MAGI1: variants seen among roughly 807,000 people sequenced by gnomAD.
The protein encoded by MAGI1 is membrane-associated guanylate kinase, WW and PDZ domain-containing protein 1.
In MAGI1, 58 loss-of-function variants were observed where a neutral mutation model predicts 139.9. The ratio of observed to expected loss-of-function variants is 0.41; its 90% CI spans 0.34 to 0.52. The LOEUF (loss-of-function observed/expected upper bound fraction) is 0.52, where lower values mean the gene tolerates loss of function less well. MAGI1 is among the 20% of genes least tolerant of loss of function. MAGI1 has a pLI of 0.12. For missense variants in MAGI1, 1,874 were observed against 1,901.6 expected, an observed-to-expected ratio of 0.99 and a Z score of 0.27; for synonymous variants, 812 against 737.9, an observed-to-expected ratio of 1.10 and a Z score of -1.63.
At chr3:65,628,435 A>G (rs78485486) in intron 1 of MAGI1, among the ~76,000 whole-genome samples, 9,430 of 152,168 alleles carry the variant, frequency 0.062, 647 homozygotes, top group African/African-American at 0.17. Flanking sequence ...TCCAAGTGTC[A>G]TCTCCAAATG....
intron 1 of MAGI1, among the ~76,000 whole-genome samples, chr3:65,858,956 G>C (rs1284544442): frequency 6.6e-6 from 1 of 152,150 alleles, no homozygotes; most frequent in African/African-American, 2.4e-5. Context: ...CAAACTTAAA[G>C]AGCAAGAAAG....
Position 65,579,535 on chromosome 3 carries a change from G to T in MAGI1, c.430+42437C>A, listed in dbSNP as rs570575882. On this transcript the variant is annotated intron_variant, in intron 2 of 22. Transcript: ENST00000402939. ...ACTGTAACAGGGATAAACACGAATG[G>T]AGAATGATCCATAAAGAACTCTCTC... is the stretch of plus-strand genomic sequence containing the variant. Among the ~76,000 whole-genome samples the T allele has an allele frequency of 9.9e-5, 15 of 152,272 alleles. 1 individual carries two copies. The South Asian group carries it at 3.1e-3, about 32-fold the overall frequency.
chr3:65,364,908 T>A lies in MAGI1; in HGVS notation c.3235A>T (p.Ile1079Phe), dbSNP rs745800026. The change falls in exon 19 of 23, where the codon ATT (isoleucine) becomes TTT (phenylalanine). Residue 1079 changes from isoleucine (I) to phenylalanine (F), a missense_variant. Ile to Phe is a conservative substitution (Grantham distance 21). Coordinates refer to ENST00000402939, the MANE Select transcript of MAGI1 (RefSeq NM_001033057.2). ...GTGTGTGTGGTGGTGATGGTGGCAA[T>A]CTTCTCTGCATTGGTCAGCAAGGTG... The part of the protein sequence containing the change: ...NATLLTNAEK[I>F]ATITTTHTPS... The A allele has an allele frequency of 6.2e-7, 1 of 1,613,972 alleles. No individual in the cohort carries two copies. Among genetic ancestry groups the A allele is most frequent in the Non-Finnish European group, 8.5e-7 (1 of 1,179,938 alleles).
chr3:65,534,483 C>T (rs1005993215), intron 2 of MAGI1, among the ~76,000 whole-genome samples: 2 of 152,000 alleles, frequency 1.3e-5, no homozygotes, highest in Non-Finnish European at 2.9e-5. Context: ...GAGTGAGACC[C>T]TGTCTCTAAA....
intron 8 of MAGI1, among the ~76,000 whole-genome samples, chr3:65,441,036 C>A (rs906116751): frequency 6.6e-6 from 1 of 152,048 alleles, no homozygotes; most frequent in Non-Finnish European, 1.5e-5. Flanking sequence ...TCTTGGCTCA[C>A]TGCAACTTCT....
At chr3:65,931,694 T>C (rs571068571) in intron 1 of MAGI1, among the ~76,000 whole-genome samples, 1 of 152,244 alleles carries the variant, frequency 6.6e-6, no homozygotes, top group East Asian at 1.9e-4. Context: ...ACTTGCATTC[T>C]TGTGCTCTCT....
chr3:65,586,373 G>A (rs1404544), intron 2 of MAGI1, among the ~76,000 whole-genome samples: 117,993 of 152,066 alleles, frequency 0.78, 45,977 homozygotes, highest in East Asian at 0.94. Flanking sequence ...TGGAGGAGGT[G>A]GAAAGGATTG....
rs1210816472 is a variant in MAGI1 at position 65,363,487 on chromosome 3, G to A, written c.3473C>T (p.Ala1158Val). The A allele has an allele frequency of 3.1e-6, 5 of 1,612,688 alleles. No individual in the cohort carries two copies. Among genetic ancestry groups the A allele is most frequent in the Non-Finnish European group, 4.2e-6 (5 of 1,179,390 alleles). The change falls in exon 21 of 23, where the codon GCG becomes GTG. Residue 1158 changes from alanine (A) to valine (V), a missense_variant. By Grantham distance (64) the Ala-to-Val change is moderately conservative. Around this residue, in one of 5 missense-constraint regions of MAGI1, gnomAD observed 653 missense variants for 644.5 expected, o/e 1.01. Coordinates refer to ENST00000402939, the MANE Select transcript of MAGI1 (RefSeq NM_001033057.2). ...YVLRLAEDGP[A>V]ERCGKMRIGD... ...TACCCTCATCTTTCCACACCTCTCC[G>A]CAGGACCGTCCTCTGCTAAGCGCAG...
chr3:65,656,979 CAAAAAAAA>C (rs58817001), intron 1 of MAGI1, among the ~76,000 whole-genome samples: 1 of 73,958 alleles, frequency 1.4e-5, no homozygotes, highest in African/African-American at 5.5e-5. Context: ...GACACCATCT[CAAAAAAAA>C]AAAAAAAAAA....
At chr3:65,978,981 C>T (rs912475785) in intron 1 of MAGI1, among the ~76,000 whole-genome samples, 17 of 151,766 alleles carry the variant, frequency 1.1e-4, no homozygotes, top group African/African-American at 2.4e-5. Flanking sequence ...CAGAAAGCAT[C>T]TCTTCCTTCA....
intron 2 of MAGI1, among the ~76,000 whole-genome samples, chr3:65,574,262 T>C (rs931146053): frequency 2.0e-5 from 3 of 151,238 alleles, no homozygotes; most frequent in African/African-American, 4.9e-5. Flanking sequence ...TACATACATA[T>C]ATGTAAACTG....
intron 1 of MAGI1, among the ~76,000 whole-genome samples, chr3:65,998,681 T>C (rs723233): frequency 0.42 from 64,177 of 151,990 alleles, 15,176 homozygotes; most frequent in East Asian, 0.62. Flanking sequence ...AACCATTTGA[T>C]GGTTTTTTTG....
intron 3 of MAGI1, among the ~76,000 whole-genome samples, chr3:65,491,919 G>A (rs1575997713): frequency 6.6e-6 from 1 of 152,164 alleles, no homozygotes; most frequent in South Asian, 2.1e-4. Flanking sequence ...GGAGCAGTAT[G>A]TACAAAGACA....
At chr3:65,572,140 A>G (rs7622975) in intron 2 of MAGI1, among the ~76,000 whole-genome samples, 5,628 of 152,280 alleles carry the variant, frequency 0.037, 328 homozygotes, top group African/African-American at 0.13. Flanking sequence ...AGACTAGTTT[A>G]CAATACTGAG....
chr3:65,511,173 A>G (rs1207813312), intron 2 of MAGI1, among the ~76,000 whole-genome samples: 2 of 150,444 alleles, frequency 1.3e-5, no homozygotes, highest in Admixed American at 6.6e-5. Context: ...ATGGAAAGGA[A>G]CAACCGGTAC....
At chr3:65,945,149 C>G (rs1209033961) in intron 1 of MAGI1, among the ~76,000 whole-genome samples, 1 of 152,190 alleles carries the variant, frequency 6.6e-6, no homozygotes, top group Non-Finnish European at 1.5e-5. Context: ...TCTGTGGGCT[C>G]TCTCCCAAAC....
chr3:65,378,783 G>C (rs1942787478), intron 17 of MAGI1, among the ~76,000 whole-genome samples: 1 of 151,656 alleles, frequency 6.6e-6, no homozygotes, highest in Non-Finnish European at 1.5e-5. Context: ...CCAGGTTCAA[G>C]CGATTCTCTT....
In MAGI1 at chr3:65,752,580, A is replaced by G. The variant is rs2036240043; in HGVS notation, c.314-130492T>C. ...TCTAAGCATACAGAAGCAAGCTACT[A>G]AGGTTATGGTGTCATGCAGGCATGT... On this transcript the variant is annotated intron_variant, in intron 1 of 22. Coordinates refer to ENST00000402939, the MANE Select transcript of MAGI1 (RefSeq NM_001033057.2). 3.3e-5 allele frequency among the ~76,000 whole-genome samples: 5 copies of G among 152,202 alleles called. No individual in the cohort carries two copies. The South Asian group carries it at 1.0e-3, about 32-fold the overall frequency.
At chr3:65,951,838 G>A (rs184955127) in intron 1 of MAGI1, among the ~76,000 whole-genome samples, 1 of 152,272 alleles carries the variant, frequency 6.6e-6, no homozygotes, top group East Asian at 1.9e-4. Flanking sequence ...AAATATGTAA[G>A]AGTCCAAAGG....
Sources: allele counts gnomAD v4.1 joint callset (sites outside exome capture counted in the v4.1 genomes callset), GRCh38; gene constraint gnomAD v4.1.1; regional missense constraint gnomAD v4.1.1; transcripts MANE v1.5; gene names NCBI Gene and HGNC (gene_info 2026-07-23, HGNC 2026-07-21).